Variants in XKR4 observed in about 807,000 individuals in gnomAD.
XKR4 encodes XK related 4, also known as XK-related protein 4.
XKR4 carries 12 observed loss-of-function variants against 53.9 expected under a neutral mutation model. The observed-to-expected ratio is 0.22, with a 90% CI of 0.14 to 0.36. The LOEUF (loss-of-function observed/expected upper bound fraction) is 0.36, where lower values mean the gene tolerates loss of function less well. Ranked by LOEUF, XKR4 falls within the 10% of genes least tolerant of loss-of-function variation. The pLI is 1.00. For missense variants in XKR4, 799 were observed against 859.5 expected, an observed-to-expected ratio of 0.93 and a Z score of 0.88; for synonymous variants, 354 against 362.4, an observed-to-expected ratio of 0.98 and a Z score of 0.26.
chr8:55,365,707 C>CAAA (rs397932881), intron 2 of XKR4, among the ~76,000 whole-genome samples: 106 of 76,124 alleles, frequency 1.4e-3, no homozygotes, highest in African/African-American at 3.5e-3. Flanking sequence ...AACTTCGTCT[C>CAAA]AAAAAAAAAA....
At chr8:55,347,124 T>G (rs1237078536) in intron 1 of XKR4, among the ~76,000 whole-genome samples, 1 of 152,214 alleles carries the variant, frequency 6.6e-6, no homozygotes, top group East Asian at 1.9e-4. Flanking sequence ...AGATTAAATA[T>G]GTACTAGCTA....
intron 1 of XKR4, among the ~76,000 whole-genome samples, chr8:55,305,064 G>C (rs1819274328): frequency 6.6e-6 from 1 of 152,166 alleles, no homozygotes; most frequent in African/African-American, 2.4e-5. Flanking sequence ...GAGGCACCCA[G>C]ATTGGGCTCA....
intron 1 of XKR4, among the ~76,000 whole-genome samples, chr8:55,323,117 A>T (rs1399765118): frequency 6.6e-6 from 1 of 152,232 alleles, no homozygotes; most frequent in Non-Finnish European, 1.5e-5. Context: ...TGGATGTTAC[A>T]TTATAACTAG....
At chr8:55,472,081 T>C (rs1722773112) in intron 2 of XKR4, among the ~76,000 whole-genome samples, 1 of 152,136 alleles carries the variant, frequency 6.6e-6, no homozygotes, top group Non-Finnish European at 1.5e-5. Flanking sequence ...AGGGAAATGA[T>C]AATGAATTTG....
chr8:55,217,993 CCT>C (rs1166685583), intron 1 of XKR4, among the ~76,000 whole-genome samples: 3 of 152,136 alleles, frequency 2.0e-5, no homozygotes, highest in African/African-American at 7.2e-5. Flanking sequence ...CTTCTCTGTG[CCT>C]CTCTCCTTTC....
chr8:55,308,531 A>G (rs1430405569), intron 1 of XKR4, among the ~76,000 whole-genome samples: 60 of 149,424 alleles, frequency 4.0e-4, no homozygotes, highest in South Asian at 1.1e-3. Flanking sequence ...GGATCCAATC[A>G]CCTCCCACCA....
At chr8:55,140,105 C>T in intron 1 of XKR4, 2 of 414,086 alleles carry the variant, frequency 4.8e-6, no homozygotes, top group Non-Finnish European at 9.6e-6. Context: ...AAGAGTTTAC[C>T]AGGTGAATTT....
intron 1 of XKR4, among the ~76,000 whole-genome samples, chr8:55,289,601 GA>G (rs1818957494): frequency 1.1e-5 from 1 of 89,294 alleles, no homozygotes; most frequent in Non-Finnish European, 2.2e-5. Context: ...GAGAAAGAAA[GA>G]AAGAAAGAAA....
chr8:55,444,255 T>C (rs1805313536), intron 2 of XKR4, among the ~76,000 whole-genome samples: 1 of 152,032 alleles, frequency 6.6e-6, no homozygotes, highest in South Asian at 2.1e-4. Flanking sequence ...GGAAATAAAA[T>C]ATGAAAAGCA....
chr8:55,300,007 C>A (rs1156821701), intron 1 of XKR4, among the ~76,000 whole-genome samples: 1 of 152,108 alleles, frequency 6.6e-6, no homozygotes, highest in Non-Finnish European at 1.5e-5. Flanking sequence ...GGGAGCATGA[C>A]TAAGGACACA....
chr8:55,299,797 C>A (rs1363800029), intron 1 of XKR4, among the ~76,000 whole-genome samples: 2 of 152,094 alleles, frequency 1.3e-5, no homozygotes, highest in Non-Finnish European at 2.9e-5. Flanking sequence ...GGGAAAGCAG[C>A]TCTGAGTCAG....
intron 1 of XKR4, among the ~76,000 whole-genome samples, chr8:55,153,034 T>C (rs774343831): frequency 6.6e-6 from 1 of 152,174 alleles, no homozygotes; most frequent in African/African-American, 2.4e-5. Flanking sequence ...GGGGATGTCA[T>C]TGGACTAGTT....
In XKR4 at chr8:55,481,913, T is replaced by A. The variant is rs192952190; in HGVS notation, c.1007-41368T>A. The stretch of plus-strand genomic sequence containing the variant: ...AGGAAACAACAGGTCCTGTAAAGGA[T>A]GTGGAGAAATAGGAACACTTTTCCA... On this transcript the variant is annotated intron_variant, in intron 2 of 2. Transcript: ENST00000327381. Among the ~76,000 whole-genome samples, 1,189 of 152,264 alleles carry A rather than the reference T, an allele frequency of 7.8e-3. 10 individuals carry two copies. Among genetic ancestry groups the A allele is most frequent in the Non-Finnish European group, 0.014 (926 of 68,014 alleles).
At chr8:55,188,738 A>T (rs772938855) in intron 1 of XKR4, among the ~76,000 whole-genome samples, 1 of 152,194 alleles carries the variant, frequency 6.6e-6, no homozygotes, top group Non-Finnish European at 1.5e-5. Context: ...AATCATGAAG[A>T]TGCTTAGTAA....
intron 1 of XKR4, among the ~76,000 whole-genome samples, chr8:55,348,743 AAG>A: frequency 6.6e-6 from 1 of 151,602 alleles, no homozygotes; most frequent in Non-Finnish European, 1.5e-5. Flanking sequence ...TGATAGATAA[AAG>A]AGACAGAAAG....
intron 2 of XKR4, among the ~76,000 whole-genome samples, chr8:55,462,094 T>A (rs13272245): frequency 6.6e-6 from 1 of 151,942 alleles, no homozygotes; most frequent in Non-Finnish European, 1.5e-5. Context: ...GCAAGGCAGG[T>A]CAACATTCAA....
intron 2 of XKR4, among the ~76,000 whole-genome samples, chr8:55,397,188 G>GA (rs925558191): frequency 9.2e-5 from 14 of 152,186 alleles, no homozygotes; most frequent in African/African-American, 3.4e-4. Context: ...AATTTCAAGG[G>GA]AAAAATCTTT....
At chr8:55,399,000 T>G (rs1221703703) in intron 2 of XKR4, among the ~76,000 whole-genome samples, 1 of 152,248 alleles carries the variant, frequency 6.6e-6, no homozygotes, top group Non-Finnish European at 1.5e-5. Flanking sequence ...AAGTTTAGTA[T>G]TCATCATGGC....
chr8:55,272,842 G>A, intron 1 of XKR4: 1 of 428,286 alleles, frequency 2.3e-6, no homozygotes, highest in Non-Finnish European at 4.6e-6. Context: ...TTATGTTTTA[G>A]AGTAAATTTT....
Sources: allele counts gnomAD v4.1 joint callset (sites outside exome capture counted in the v4.1 genomes callset), GRCh38; gene constraint gnomAD v4.1.1; transcripts MANE v1.5; gene names NCBI Gene and HGNC (gene_info 2026-07-23, HGNC 2026-07-21).